The following ZC3H11A variants were observed in gnomAD, a reference collection of about 807,000 sequenced individuals.
ZC3H11A encodes the protein zinc finger CCCH domain-containing protein 11A.
ZC3H11A carries 22 observed loss-of-function variants against 90.8 expected under a neutral mutation model. The ratio of observed to expected loss-of-function variants is 0.24; its 90% CI spans 0.17 to 0.35. ZC3H11A has a LOEUF of 0.35. Among genes scored for constraint, ZC3H11A ranks in the 10% least tolerant of loss-of-function variants. The pLI, the probability that ZC3H11A is intolerant of heterozygous loss-of-function variation, is 1.00. For synonymous variants in ZC3H11A, 294 were observed against 339.8 expected, an observed-to-expected ratio of 0.87 and a Z score of 1.48; for missense variants, 701 against 964.9, an observed-to-expected ratio of 0.73 and a Z score of 3.62.
In ZC3H11A at chr1:203,850,563, C is replaced by G; in HGVS notation, c.1988C>G (p.Ser663Cys). Reference protein sequence around the residue: ...VKPSVVKVVSSPKLAPKRKAV... With the variant: ...VKPSVVKVVSCPKLAPKRKAV... ...CCATCTGTGGTTAAAGTTGTGTCAT[C>G]CCCCAAATTGGCCCCAAAACGTAAG... Residue 663 changes from serine (S) to cysteine (C), a missense_variant, in exon 16 of 18, where the codon TCC becomes TGC. Physicochemically the swap from Ser to Cys is moderately radical, Grantham distance 112. Transcript: ENST00000367210. 6.2e-7 allele frequency: 1 copy of G among 1,613,970 alleles called. No individual in the cohort carries two copies. The highest frequency in any genetic ancestry group is 8.5e-7 in the Non-Finnish European group (1 of 1,179,876).
At chr1:203,796,937 G>T (rs962212211) in intron 1 of ZC3H11A, 1 of 153,588 alleles carries the variant, frequency 6.5e-6, no homozygotes, top group Non-Finnish European at 1.4e-5. Flanking sequence ...TGCGGAGTCT[G>T]TGTTGGCTTT....
chr1:203,841,796 TC>T (rs1308910792), intron 12 of ZC3H11A, among the ~76,000 whole-genome samples: 7 of 147,356 alleles, frequency 4.8e-5, no homozygotes, highest in Non-Finnish European at 8.9e-5. Flanking sequence ...CCCACCTCCC[TC>T]CCGGACGGGG....
intron 12 of ZC3H11A, among the ~76,000 whole-genome samples, chr1:203,842,031 C>T (rs1244635159): frequency 6.6e-6 from 1 of 151,312 alleles, no homozygotes; most frequent in Non-Finnish European, 1.5e-5. Flanking sequence ...CTCCCCACAT[C>T]TCAGACGATG....
At chr1:203,851,510 AG>A (rs1689249884) in intron 17 of ZC3H11A, among the ~76,000 whole-genome samples, 2 of 152,058 alleles carry the variant, frequency 1.3e-5, no homozygotes. Context: ...TTGTATTTTT[AG>A]TAGTGACAGG....
intron 1 of ZC3H11A, chr1:203,798,139 C>G (rs1269464645): frequency 1.3e-6 from 2 of 1,536,150 alleles, no homozygotes; most frequent in Non-Finnish European, 8.7e-7. Context: ...GTGTCTTTAT[C>G]TCCCTCTTCT....
At chr1:203,849,661 G>C (rs1446717059) in intron 14 of ZC3H11A, 50 bp from the exon 15 acceptor site, 1 of 1,563,436 alleles carries the variant, frequency 6.4e-7, no homozygotes, top group Non-Finnish European at 8.8e-7. Context: ...ACATCATACA[G>C]GTTATTAGAG....
intron 5 of ZC3H11A, 63 bp downstream of exon 5, chr1:203,828,485 C>G (rs533562441): frequency 2.2e-4 from 340 of 1,531,648 alleles, no homozygotes; most frequent in Non-Finnish European, 2.7e-4. Flanking sequence ...CACTGTACAA[C>G]AGTACTTTTC....
intron 4 of ZC3H11A, among the ~76,000 whole-genome samples, chr1:203,822,929 G>A (rs974636617): frequency 1.3e-5 from 2 of 152,146 alleles, no homozygotes; most frequent in Admixed American, 6.5e-5. Context: ...TAAATATGCA[G>A]TTCATGTGCC....
At chr1:203,814,651 G>C (rs1057177206) in intron 2 of ZC3H11A, among the ~76,000 whole-genome samples, 5 of 152,010 alleles carry the variant, frequency 3.3e-5, no homozygotes, top group African/African-American at 1.2e-4. Flanking sequence ...GTTTCTTCTA[G>C]GCCTTTTCTA....
At chr1:203,807,627 A>G (rs1672828763) in intron 2 of ZC3H11A, among the ~76,000 whole-genome samples, 1 of 152,134 alleles carries the variant, frequency 6.6e-6, no homozygotes, top group South Asian at 2.1e-4. Context: ...CCTGGGCTCA[A>G]GTGATCCTTC....
intron 4 of ZC3H11A, among the ~76,000 whole-genome samples, chr1:203,824,274 TA>T (rs5780199): frequency 0.14 from 18,937 of 139,884 alleles, 1,505 homozygotes; most frequent in East Asian, 0.3. Flanking sequence ...ATCTCAAAAT[TA>T]AAAAAAAAAA....
chr1:203,810,033 A>C (rs1299961609), intron 2 of ZC3H11A, among the ~76,000 whole-genome samples: 1 of 152,146 alleles, frequency 6.6e-6, no homozygotes, highest in Non-Finnish European at 1.5e-5. Flanking sequence ...TTTAAACTTA[A>C]GAAATTTATG....
chr1:203,805,527 A>G (rs1672028320), intron 2 of ZC3H11A: 2 of 514,242 alleles, frequency 3.9e-6, no homozygotes, highest in South Asian at 1.5e-5. Flanking sequence ...CTTCAAAGAA[A>G]GGACAGAAAC....
chr1:203,804,695 G>A (rs867789360), intron 2 of ZC3H11A, among the ~76,000 whole-genome samples: 3 of 138,284 alleles, frequency 2.2e-5, no homozygotes, highest in African/African-American at 8.0e-5. Context: ...TTTTTGATAT[G>A]GAGTATTGCT....
intron 1 of ZC3H11A, chr1:203,799,107 G>A: frequency 6.5e-7 from 1 of 1,535,024 alleles, no homozygotes; most frequent in Non-Finnish European, 8.7e-7. Context: ...TTGTGTTACA[G>A]GTTTGGCTAA....
chr1:203,854,087 C>G lies in ZC3H11A; in HGVS notation c.*1688C>G, dbSNP rs1320813477. 1.3e-5 allele frequency: 2 copies of G among 152,524 alleles called. No individual in the cohort carries two copies. The highest frequency in any genetic ancestry group is 4.8e-5 in the African/African-American group (2 of 41,412). The allele number at this position is 152,524 out of a possible 1,614,324, so 9.4% of individuals were successfully genotyped here. On this transcript the variant is annotated 3_prime_UTR_variant, in exon 18 of 18. Transcript: ENST00000367210. ...ATTTGCCCTTACAGAAAGAGAAATACTTGTTTGTGTTTTAAATAAAACTGA... is the reference window on the plus strand; with the variant it reads ...ATTTGCCCTTACAGAAAGAGAAATAGTTGTTTGTGTTTTAAATAAAACTGA...
At chr1:203,844,085 G>A (rs901819510) in intron 12 of ZC3H11A, among the ~76,000 whole-genome samples, 8 of 152,074 alleles carry the variant, frequency 5.3e-5, no homozygotes, top group Admixed American at 4.6e-4. Flanking sequence ...TCGAACTCCC[G>A]ACCTCAGATG....
intron 12 of ZC3H11A, among the ~76,000 whole-genome samples, chr1:203,846,854 A>G (rs1336907262): frequency 2.0e-5 from 3 of 152,040 alleles, no homozygotes; most frequent in East Asian, 3.9e-4. Context: ...AATAGAAACA[A>G]TTAGCCGGGC....
At chr1:203,851,625 C>T (rs1480467062) in intron 17 of ZC3H11A, among the ~76,000 whole-genome samples, 1 of 152,060 alleles carries the variant, frequency 6.6e-6, no homozygotes, top group Non-Finnish European at 1.5e-5. Context: ...CTACCATGCC[C>T]GGCCCCTGAA....
Sources: allele counts gnomAD v4.1 joint callset (sites outside exome capture counted in the v4.1 genomes callset), GRCh38; gene constraint gnomAD v4.1.1; transcripts MANE v1.5; gene names NCBI Gene and HGNC (gene_info 2026-07-23, HGNC 2026-07-21).